Variants in ANO4 observed in about 807,000 individuals in gnomAD.
ANO4 encodes the protein anoctamin 4, also known as anoctamin-4.
Under a neutral mutation model 141.9 loss-of-function variants are expected in ANO4, and 69 were observed. The observed-to-expected ratio is 0.49, with a 90% confidence interval of 0.40 to 0.59. The LOEUF is 0.59. ANO4 is among the 20% of genes least tolerant of loss of function. The pLI, the probability that ANO4 is intolerant of heterozygous loss-of-function variation, is 0.00. For missense variants in ANO4, 894 were observed against 1,162.2 expected (o/e 0.77, Z 3.36); for synonymous variants, 350 against 394.3 (o/e 0.89, Z 1.33).
intron 3 of ANO4, among the ~76,000 whole-genome samples, 159 bp from the exon 4 acceptor site, chr12:100,939,156 C>A (rs78665090): frequency 0.021 from 3,234 of 152,236 alleles, 118 homozygotes; most frequent in African/African-American, 0.073. Flanking sequence ...TGTTTTATGT[C>A]TGACATACTT....
chr12:100,810,314 G>A (rs889316519), intron 1 of ANO4, among the ~76,000 whole-genome samples: 2 of 152,044 alleles, frequency 1.3e-5, no homozygotes, highest in Non-Finnish European at 2.9e-5. Context: ...CAGTGCAGAG[G>A]CCCTGAGAAG....
intron 3 of ANO4, among the ~76,000 whole-genome samples, chr12:100,933,534 G>A (rs563638305): frequency 6.6e-6 from 1 of 152,306 alleles, no homozygotes; most frequent in African/African-American, 2.4e-5. Flanking sequence ...GGACATTTGG[G>A]TTGGTTCCAA....
chr12:101,021,402 C>A (rs780382344), intron 9 of ANO4, among the ~76,000 whole-genome samples: 2 of 152,180 alleles, frequency 1.3e-5, no homozygotes, highest in African/African-American at 2.4e-5. Context: ...AAGAGAAACC[C>A]CTTCCTCCTC....
intron 3 of ANO4, among the ~76,000 whole-genome samples, chr12:100,741,739 G>A (rs1343161465): frequency 6.6e-6 from 1 of 152,144 alleles, no homozygotes; most frequent in African/African-American, 2.4e-5. Context: ...AAATGTTTCT[G>A]TATAGTAAGT....
At chr12:100,877,313 G>A (rs2135945256) in intron 1 of ANO4, among the ~76,000 whole-genome samples, 1 of 151,338 alleles carries the variant, frequency 6.6e-6, no homozygotes, top group African/African-American at 2.4e-5. Context: ...TGAGGTGCTG[G>A]ATATACTAAT....
intron 5 of ANO4, among the ~76,000 whole-genome samples, chr12:100,961,800 T>C (rs926781111): frequency 6.6e-6 from 1 of 152,234 alleles, no homozygotes; most frequent in African/African-American, 2.4e-5. Flanking sequence ...AAGTGTTTAA[T>C]GGCCCCAGTT....
intron 3 of ANO4, among the ~76,000 whole-genome samples, chr12:100,781,088 A>G (rs1205789294): frequency 6.6e-6 from 1 of 152,182 alleles, no homozygotes; most frequent in Non-Finnish European, 1.5e-5. Context: ...AAATTTAGCA[A>G]AATTCTGTCA....
intron 14 of ANO4, among the ~76,000 whole-genome samples, chr12:101,049,943 A>T (rs2047793384): frequency 6.6e-6 from 1 of 152,182 alleles, no homozygotes; most frequent in Non-Finnish European, 1.5e-5. Flanking sequence ...CCAGATTCTT[A>T]TTCTCCAGAA....
At chr12:101,042,577 T>A in intron 12 of ANO4, 109 bp downstream of exon 12, 1 of 1,427,078 alleles carries the variant, frequency 7.0e-7, no homozygotes, top group Admixed American at 2.0e-5. Flanking sequence ...TCACTCAAAC[T>A]TCCTACCCTC....
intron 7 of ANO4, among the ~76,000 whole-genome samples, chr12:100,978,468 A>C (rs2044303342): frequency 6.6e-6 from 1 of 152,240 alleles, no homozygotes. Context: ...TCAGATACTT[A>C]AACTTCTGCT....
intron 3 of ANO4, among the ~76,000 whole-genome samples, chr12:100,928,119 C>A (rs1262212852): frequency 4.0e-5 from 6 of 151,730 alleles, no homozygotes; most frequent in Admixed American, 6.6e-5. Flanking sequence ...TTATTTTTAA[C>A]CTGCATGGTC....
At chr12:101,014,118 A>G (rs879780875) in intron 8 of ANO4, among the ~76,000 whole-genome samples, 2 of 152,076 alleles carry the variant, frequency 1.3e-5, no homozygotes, top group Admixed American at 6.6e-5. Context: ...TACAACGCCC[A>G]TGCCCATATA....
intron 6 of ANO4, among the ~76,000 whole-genome samples, chr12:100,972,893 T>C (rs918918181): frequency 1.3e-5 from 2 of 152,212 alleles, no homozygotes; most frequent in Non-Finnish European, 2.9e-5. Context: ...AAGCCAATTC[T>C]CTTACTACCT....
chr12:101,031,212 C>T (rs541277373), intron 9 of ANO4, among the ~76,000 whole-genome samples: 2 of 152,162 alleles, frequency 1.3e-5, no homozygotes, highest in Admixed American at 6.5e-5. Flanking sequence ...CCGAATACAG[C>T]AGCACATCAA....
chr12:101,048,092 A>T, intron 13 of ANO4: 1 of 1,165,828 alleles, frequency 8.6e-7, no homozygotes, highest in Non-Finnish European at 1.1e-6. Flanking sequence ...ACTATTGGGG[A>T]TGCTGATAAA....
At chr12:100,776,835 C>T (rs543351614) in intron 3 of ANO4, among the ~76,000 whole-genome samples, 140 of 152,216 alleles carry the variant, frequency 9.2e-4, no homozygotes, top group African/African-American at 3.3e-3. Flanking sequence ...TGTAGATTAA[C>T]TTTGGATGAC....
chr12:100,941,745 A>G (rs1566036897), intron 4 of ANO4, among the ~76,000 whole-genome samples: 1 of 150,550 alleles, frequency 6.6e-6, no homozygotes, highest in East Asian at 1.9e-4. Context: ...AGATAATGTT[A>G]ATGTGTTTTC....
At chr12:100,854,083 C>T (rs1030095806) in intron 1 of ANO4, among the ~76,000 whole-genome samples, 2 of 152,140 alleles carry the variant, frequency 1.3e-5, no homozygotes, top group Non-Finnish European at 2.9e-5. Context: ...GATAAAATCT[C>T]TCTGGCTTAC....
At chr12:100,764,473 T>C (rs1415851614) in intron 3 of ANO4, among the ~76,000 whole-genome samples, 3 of 152,220 alleles carry the variant, frequency 2.0e-5, no homozygotes, top group Non-Finnish European at 4.4e-5. Flanking sequence ...TAAAGCAATT[T>C]GACATTTTTA....
Sources: gnomAD v4.1 joint callset for allele counts (sites outside exome capture counted in the v4.1 genomes callset) on GRCh38, gnomAD v4.1.1 for gene constraint, MANE v1.5 for transcripts, NCBI Gene and HGNC (gene_info 2026-07-23, HGNC 2026-07-21) for gene names.